The following TAFA4 variants were observed in gnomAD, a reference collection of about 807,000 sequenced individuals.
The protein encoded by TAFA4 is chemokine-like protein TAFA-4.
In TAFA4, 20 loss-of-function variants were observed where a neutral mutation model predicts 21.1. The observed-to-expected ratio is 0.95, with a 90% confidence interval of 0.67 to 1.38. The LOEUF is 1.38. Among genes scored for constraint, TAFA4 ranks in the 40% most tolerant of loss-of-function variants. The pLI is 0.00. For synonymous variants in TAFA4, 71 were observed against 67.4 expected (o/e 1.05, Z -0.26); for missense variants, 211 against 180.9 (o/e 1.17, Z -0.95).
At chr3:68,899,426 A>T (rs1015762543) in intron 1 of TAFA4, among the ~76,000 whole-genome samples, 2 of 152,100 alleles carry the variant, frequency 1.3e-5, no homozygotes, top group African/African-American at 4.8e-5. Context: ...TTTCAAAAAA[A>T]GTTTTGGCAT....
chr3:68,885,269 A>G lies in TAFA4; in HGVS notation c.-81T>C, dbSNP rs370168795. The stretch of plus-strand genomic sequence containing the variant: ...AAATTCCCATCTGTTGCTAGAACCA[A>G]TCATTTCTGCCGTTCCAAAAAATTA... On this transcript the variant is annotated 5_prime_UTR_variant, in exon 2 of 6. Coordinates refer to ENST00000295569, the MANE Select transcript of TAFA4 (RefSeq NM_182522.5). 59 of 1,423,660 alleles carry G rather than the reference A, an allele frequency of 4.1e-5. No homozygotes were observed. The African/African-American group carries it at 7.4e-4, about 18-fold the overall frequency. 88.2% of individuals were successfully genotyped at this position (1,423,660 alleles called of 1,614,324 possible). A position where few individuals can be genotyped will look rare whatever the true frequency, so the allele number is the denominator to read the frequency against.
intron 3 of TAFA4, among the ~76,000 whole-genome samples, chr3:68,776,431 T>C (rs1218732802): frequency 7.2e-5 from 11 of 152,174 alleles, no homozygotes. Context: ...AGAGGAACAT[T>C]TCATTATAAC....
chr3:68,820,815 T>A (rs372914260), intron 3 of TAFA4, among the ~76,000 whole-genome samples: 1 of 152,228 alleles, frequency 6.6e-6, no homozygotes. Context: ...TTGTACACCA[T>A]AAATACCTAT....
Position 68,805,724 on chromosome 3 carries a change from G to A in TAFA4, c.131-52706C>T, listed in dbSNP as rs550573739. 6.5e-3 allele frequency among the ~76,000 whole-genome samples: 983 copies of A among 151,510 alleles called. 10 individuals carry two copies. The highest frequency in any genetic ancestry group is 0.023 in the African/African-American group (944 of 41,296). On this transcript the variant is annotated intron_variant, in intron 3 of 5. Transcript: ENST00000295569. ...ACAAGGACAAAAAACCAAACACCGC[G>A]TGTTCTCACTCATAGGTGGGAATTG...
chr3:68,914,522 T>A (rs1402023242), intron 1 of TAFA4, among the ~76,000 whole-genome samples: 1 of 152,128 alleles, frequency 6.6e-6, no homozygotes, highest in East Asian at 1.9e-4. Context: ...TGTGACCTTA[T>A]GTGTAAAGTT....
At chr3:68,892,874 C>G (rs2089744105) in intron 1 of TAFA4, among the ~76,000 whole-genome samples, 1 of 152,182 alleles carries the variant, frequency 6.6e-6, no homozygotes, top group Admixed American at 6.5e-5. Flanking sequence ...TAACTGAGAT[C>G]CAGTATACAT....
chr3:68,818,448 T>C (rs1045476086), intron 3 of TAFA4, among the ~76,000 whole-genome samples: 3 of 152,240 alleles, frequency 2.0e-5, no homozygotes, highest in African/African-American at 7.2e-5. Flanking sequence ...ATTTTTCCCT[T>C]GCATCCACAA....
intron 2 of TAFA4, among the ~76,000 whole-genome samples, chr3:68,883,437 T>C (rs945391970): frequency 6.6e-6 from 1 of 152,216 alleles, no homozygotes; most frequent in Non-Finnish European, 1.5e-5. Context: ...ATTAACTAAA[T>C]TCAGTGTATG....
chr3:68,816,227 AATGG>A (rs1209393528), intron 3 of TAFA4, among the ~76,000 whole-genome samples: 3 of 152,168 alleles, frequency 2.0e-5, no homozygotes, highest in African/African-American at 7.2e-5. Flanking sequence ...GTGACGAGTT[AATGG>A]GTGCAGCACA....
At chr3:68,771,444 G>T (rs1402365371) in intron 3 of TAFA4, among the ~76,000 whole-genome samples, 1 of 152,188 alleles carries the variant, frequency 6.6e-6, no homozygotes, top group African/African-American at 2.4e-5. Flanking sequence ...CCATCTGCAT[G>T]CTCCCCTTTG....
chr3:68,732,590 C>T lies in TAFA4; in HGVS notation c.*552G>A, dbSNP rs554879737. On this transcript the variant is annotated 3_prime_UTR_variant, in exon 6 of 6. Transcript: ENST00000295569. Reference sequence around the variant, plus strand: ...CACACAATAATCCAACTATGTCCTTCTATTCTTCAAGGGTTATAAAATAAA... The same window carrying T: ...CACACAATAATCCAACTATGTCCTTTTATTCTTCAAGGGTTATAAAATAAA... 2 of 152,792 alleles carry T rather than the reference C, an allele frequency of 1.3e-5. No homozygotes were observed. The highest frequency in any genetic ancestry group is 6.8e-3 in the Middle Eastern group (2 of 294). The allele number at this position is 152,792 out of a possible 1,614,324, so 9.5% of individuals were successfully genotyped here.
intron 3 of TAFA4, among the ~76,000 whole-genome samples, chr3:68,765,811 T>C (rs1702842664): frequency 6.6e-6 from 1 of 152,094 alleles, no homozygotes; most frequent in Admixed American, 6.6e-5. Context: ...AGTGACTGAC[T>C]GAGACAGGCA....
chr3:68,832,031 G>T (rs2106880006), intron 3 of TAFA4, among the ~76,000 whole-genome samples: 1 of 152,072 alleles, frequency 6.6e-6, no homozygotes, highest in South Asian at 2.1e-4. Context: ...ACCTCCATCA[G>T]GTCATTTAAG....
intron 3 of TAFA4, among the ~76,000 whole-genome samples, chr3:68,756,864 G>A (rs1701127898): frequency 6.6e-6 from 1 of 152,196 alleles, no homozygotes; most frequent in Non-Finnish European, 1.5e-5. Context: ...TATAATGTCA[G>A]TAAAGTAGTA....
In TAFA4 at chr3:68,732,820, G is replaced by C. The variant is rs1702172798; in HGVS notation, c.*322C>G. On this transcript the variant is annotated 3_prime_UTR_variant, in exon 6 of 6. Coordinates refer to ENST00000295569, the MANE Select transcript of TAFA4 (RefSeq NM_182522.5). Reference sequence around the variant, plus strand: ...GTTCTTTTGTAAAAGCAGAAAGAAAGTGAAGAATGAACATGCCCTTAGTGG... The same window carrying C: ...GTTCTTTTGTAAAAGCAGAAAGAAACTGAAGAATGAACATGCCCTTAGTGG... The C allele has an allele frequency of 1.9e-5, 6 of 316,368 alleles. No homozygotes were observed. The highest frequency in any genetic ancestry group is 3.5e-5 in the Non-Finnish European group (6 of 173,762). The allele number at this position is 316,368 out of a possible 1,614,324, so 19.6% of individuals were successfully genotyped here.
chr3:68,895,128 G>T (rs1299242356), intron 1 of TAFA4, among the ~76,000 whole-genome samples: 1 of 152,162 alleles, frequency 6.6e-6, no homozygotes, highest in African/African-American at 2.4e-5. Context: ...CTCCTGAGTA[G>T]CTGGGATTAC....
At chr3:68,788,397 C>CT (rs1703300893) in intron 3 of TAFA4, among the ~76,000 whole-genome samples, 1 of 152,168 alleles carries the variant, frequency 6.6e-6, no homozygotes, top group Non-Finnish European at 1.5e-5. Flanking sequence ...CCAACATTTC[C>CT]TTTTTCGGAG....
chr3:68,876,092 G>A (rs1039891967), intron 3 of TAFA4, among the ~76,000 whole-genome samples: 1 of 152,086 alleles, frequency 6.6e-6, no homozygotes, highest in African/African-American at 2.4e-5. Context: ...TAGTTCATGG[G>A]ACTTATCATA....
intron 1 of TAFA4, among the ~76,000 whole-genome samples, chr3:68,923,986 A>C (rs1040828869): frequency 1.3e-5 from 2 of 152,232 alleles, no homozygotes; most frequent in Non-Finnish European, 2.9e-5. Context: ...ACCTTGTAGG[A>C]CTTCAGGAGA....
Sources: gnomAD v4.1 joint callset for allele counts (sites outside exome capture counted in the v4.1 genomes callset) on GRCh38, gnomAD v4.1.1 for gene constraint, MANE v1.5 for transcripts, NCBI Gene and HGNC (gene_info 2026-07-23, HGNC 2026-07-21) for gene names.